Variants in DLC1 observed in about 807,000 individuals in gnomAD.
DLC1 encodes DLC1 Rho GTPase activating protein, also known as rho GTPase-activating protein 7.
DLC1 carries 54 observed loss-of-function variants against 140.3 expected under a neutral mutation model. The ratio of observed to expected loss-of-function variants is 0.38; its 90% CI spans 0.31 to 0.48. The LOEUF (loss-of-function observed/expected upper bound fraction) is 0.48. DLC1 is among the 20% of genes least tolerant of loss of function. The pLI, the probability that DLC1 is intolerant of heterozygous loss-of-function variation, is 0.96. For missense variants in DLC1, 2,536 were observed against 1,907.0 expected (o/e 1.33, Z -6.14); for synonymous variants, 986 against 728.1 (o/e 1.35, Z -5.70).
intron 1 of DLC1, among the ~76,000 whole-genome samples, chr8:13,533,103 C>T (rs1480465036): frequency 6.6e-6 from 1 of 152,008 alleles, no homozygotes; most frequent in South Asian, 2.1e-4. Context: ...CATTAAAATA[C>T]TAATTAACAT....
At chr8:13,304,254 A>T (rs1832325674) in intron 5 of DLC1, among the ~76,000 whole-genome samples, 1 of 152,152 alleles carries the variant, frequency 6.6e-6, no homozygotes, top group African/African-American at 2.4e-5. Flanking sequence ...ATATTAGTAC[A>T]TTGTTATGTT....
At chr8:13,276,235 G>C (rs988641285) in intron 5 of DLC1, 2 of 1,533,394 alleles carry the variant, frequency 1.3e-6, no homozygotes, top group East Asian at 2.5e-5. Flanking sequence ...CCTCACCCCC[G>C]GTCTCCAATC....
intron 4 of DLC1, among the ~76,000 whole-genome samples, chr8:13,312,560 A>G (rs957303149): frequency 1.3e-5 from 2 of 151,776 alleles, no homozygotes; most frequent in Non-Finnish European, 2.9e-5. Context: ...CATCTTATAA[A>G]TCCTTTTCAG....
rs1020537817 is a variant in DLC1 at position 13,508,629 on chromosome 8, A to C, written c.-126+5973T>G. ...GAGACAGGGTTTCACTGTGTTAGCC[A>C]GGATGGTCTTGATCTCCTGACCTCG... On this transcript the variant is annotated intron_variant, in intron 1 of 17. Coordinates refer to ENST00000276297, the MANE Select transcript of DLC1 (RefSeq NM_182643.3). Among the ~76,000 whole-genome samples, 5 of 152,206 alleles carry C rather than the reference A, an allele frequency of 3.3e-5. No homozygotes were observed. The East Asian group carries it at 9.7e-4, about 29-fold the overall frequency.
chr8:13,307,143 T>C (rs915637586), intron 4 of DLC1, among the ~76,000 whole-genome samples: 2 of 151,620 alleles, frequency 1.3e-5, no homozygotes, highest in African/African-American at 2.4e-5. Flanking sequence ...CAAGATTAAT[T>C]TGTACTGAAA....
Position 13,094,926 on chromosome 8 carries a change from G to T in DLC1, c.3359C>A (p.Ser1120Tyr), listed in dbSNP as rs762780944. 2 of 1,614,208 alleles carry T rather than the reference G, an allele frequency of 1.2e-6. No individual in the cohort carries two copies. The highest frequency in any genetic ancestry group is 1.7e-6 in the Non-Finnish European group (2 of 1,180,042). The change falls in exon 12 of 18, where the codon TCC becomes TAC. Residue 1120 changes from serine (S) to tyrosine (Y), a missense_variant. Coordinates refer to ENST00000276297, the MANE Select transcript of DLC1 (RefSeq NM_182643.3). ...CATCTGGCGCAGAGCCTGAATCCGGGACTTGACCCCCGATTTTCTGAAGAG... is the reference window on the plus strand; with the variant it reads ...CATCTGGCGCAGAGCCTGAATCCGGTACTTGACCCCCGATTTTCTGAAGAG... ...VGLFRKSGVKSRIQALRQMNE... is the reference protein window; with the variant it reads ...VGLFRKSGVKYRIQALRQMNE...
At chr8:13,506,874 C>T (rs1420505579) in intron 1 of DLC1, among the ~76,000 whole-genome samples, 1 of 151,978 alleles carries the variant, frequency 6.6e-6, no homozygotes, top group African/African-American at 2.4e-5. Flanking sequence ...TGGTGAGGGT[C>T]ACCTTAGTAA....
In DLC1 at chr8:13,240,193, G is replaced by T. The variant is rs148439029; in HGVS notation, c.1348+65076C>A. 6.4e-3 allele frequency among the ~76,000 whole-genome samples: 975 copies of T among 152,208 alleles called. 9 individuals are homozygous for T. The highest frequency in any genetic ancestry group is 0.022 in the African/African-American group (918 of 41,520). On this transcript the variant is annotated intron_variant, in intron 5 of 17. Coordinates refer to ENST00000276297, the MANE Select transcript of DLC1 (RefSeq NM_182643.3). ...GGGCATATCTCTGTGCAGTTTACCA[G>T]GCTGGACTTGCTCTTTTCCCGTAGT... is the stretch of plus-strand genomic sequence containing the variant.
chr8:13,188,821 A>G (rs1227105475), intron 5 of DLC1, among the ~76,000 whole-genome samples: 679 of 41,350 alleles, frequency 0.016, 10 homozygotes, highest in African/African-American at 0.054. Context: ...ATATATATAT[A>G]TATATGTATA....
In DLC1 at chr8:13,099,792, T is replaced by A. The variant is rs1328954644; in HGVS notation, c.2545A>T (p.Ile849Phe). 3.1e-6 allele frequency: 5 copies of A among 1,614,164 alleles called. No homozygotes were observed. The highest frequency in any genetic ancestry group is 4.5e-5 in the East Asian group (2 of 44,866). Residue 849 changes from isoleucine (I) to phenylalanine (F), a missense_variant, in exon 9 of 18, where the codon ATC (isoleucine) becomes TTC (phenylalanine). Ile to Phe is a conservative substitution (Grantham distance 21, BLOSUM62 0). Coordinates refer to ENST00000276297, the MANE Select transcript of DLC1 (RefSeq NM_182643.3). ...RTGSFHGPGHISLRRENSSDS... is the reference protein window; with the variant it reads ...RTGSFHGPGHFSLRRENSSDS... ...CTACTGTTTTCCCTCCTGAGGCTGA[T>A]GTGGCCAGGGCCGTGGAAGCTTCCC... is the stretch of plus-strand genomic sequence containing the variant.
At chr8:13,206,463 A>T (rs1244348099) in intron 5 of DLC1, among the ~76,000 whole-genome samples, 2 of 152,132 alleles carry the variant, frequency 1.3e-5, no homozygotes, top group African/African-American at 4.8e-5. Flanking sequence ...AATATGAACG[A>T]TTACCTTCCC....
Position 13,086,251 on chromosome 8 carries a change from T to C in DLC1, c.4466+39A>G, listed in dbSNP as rs1293728330. On this transcript the variant is annotated intron_variant, in intron 17 of 17. Coordinates refer to ENST00000276297, the MANE Select transcript of DLC1 (RefSeq NM_182643.3). ...AGACAAAAAGTCAGAATTTCCTTCATGACCCTCACCATATAAAAAAATCAG... is the reference window on the plus strand; with the variant it reads ...AGACAAAAAGTCAGAATTTCCTTCACGACCCTCACCATATAAAAAAATCAG... 9 of 1,583,344 alleles carry C rather than the reference T, an allele frequency of 5.7e-6. No individual in the cohort carries two copies. The South Asian group carries it at 9.2e-5, about 16-fold the overall frequency.
chr8:13,102,792 G>T lies in DLC1; in HGVS notation c.1564C>A (p.Arg522=). 6.2e-7 allele frequency: 1 copy of T among 1,613,588 alleles called. No homozygotes were observed. The part of the protein sequence containing the change: ...MKLEISPHRK[R]SDDSDEDEPC... The stretch of plus-strand genomic sequence containing the variant: ...TATTATGCAATTTGTATACTCACTC[G>T]TTTCCGATGAGGACTAATTTCTAGC... The change falls in exon 8 of 18, where the codon CGA becomes AGA. Residue 522 remains arginine (R), a splice_region_variant and synonymous_variant. Coordinates refer to ENST00000276297, the MANE Select transcript of DLC1 (RefSeq NM_182643.3).
intron 5 of DLC1, among the ~76,000 whole-genome samples, chr8:13,284,095 A>C (rs1831459436): frequency 6.6e-6 from 1 of 152,230 alleles, no homozygotes; most frequent in African/African-American, 2.4e-5. Flanking sequence ...TTGTGTTCTT[A>C]CCAGTGAGTA....
At chr8:13,425,753 A>G (rs1267092677) in intron 2 of DLC1, among the ~76,000 whole-genome samples, 1 of 152,126 alleles carries the variant, frequency 6.6e-6, no homozygotes, top group Admixed American at 6.5e-5. Flanking sequence ...CCCACTAAAA[A>G]CTATTTTTCT....
chr8:13,122,951 A>G (rs1422834369), intron 5 of DLC1, among the ~76,000 whole-genome samples: 1 of 152,178 alleles, frequency 6.6e-6, no homozygotes, highest in Non-Finnish European at 1.5e-5. Flanking sequence ...TAATCATCCT[A>G]CATTTTCCCT....
chr8:13,146,635 A>G (rs1823461534), intron 5 of DLC1, among the ~76,000 whole-genome samples: 1 of 152,132 alleles, frequency 6.6e-6, no homozygotes. Flanking sequence ...GGCATCTTAC[A>G]CAGGGAGCTT....
chr8:13,219,234 T>C (rs1828411486), intron 5 of DLC1, among the ~76,000 whole-genome samples: 1 of 135,874 alleles, frequency 7.4e-6, no homozygotes. Flanking sequence ...AATATAATTA[T>C]ATAATGATAT....
intron 1 of DLC1, among the ~76,000 whole-genome samples, chr8:13,504,768 G>T (rs866526360): frequency 6.6e-6 from 1 of 152,098 alleles, no homozygotes; most frequent in Non-Finnish European, 1.5e-5. Context: ...TATATGAAAA[G>T]TCTTACTTTT....
Sources: allele counts gnomAD v4.1 joint callset (sites outside exome capture counted in the v4.1 genomes callset), GRCh38; gene constraint gnomAD v4.1.1; transcripts MANE v1.5; gene names NCBI Gene and HGNC (gene_info 2026-07-23, HGNC 2026-07-21).